Variants in RIMS1 observed in about 807,000 individuals in gnomAD.
The protein encoded by RIMS1 is regulating synaptic membrane exocytosis protein 1.
A neutral mutation model predicts 214.1 loss-of-function variants in RIMS1; 83 were observed. That is an observed-to-expected ratio of 0.39 (90% CI 0.32 to 0.47). The LOEUF is 0.47. Ranked by LOEUF, RIMS1 falls within the 20% of genes least tolerant of loss-of-function variation. The pLI is 0.99. For synonymous variants in RIMS1, 793 were observed against 786.8 expected (o/e 1.01, Z -0.13); for missense variants, 2,050 against 2,161.8 (o/e 0.95, Z 1.03).
chr6:72,307,414 G>A (rs968916622), intron 27 of RIMS1, 44 bp downstream of exon 27: 3 of 1,205,700 alleles, frequency 2.5e-6, no homozygotes, highest in Admixed American at 2.0e-5. Flanking sequence ...TTTTAAAAAT[G>A]TGTAGTGTGT....
intron 28 of RIMS1, chr6:72,317,070 C>A (rs2095844532): frequency 2.4e-6 from 1 of 413,542 alleles, no homozygotes; most frequent in Non-Finnish European, 4.6e-6. Context: ...CAGAGGAGGG[C>A]AGGGGTGGGG....
chr6:71,933,862 A>G (rs1783809084), intron 1 of RIMS1, among the ~76,000 whole-genome samples: 1 of 152,184 alleles, frequency 6.6e-6, no homozygotes, highest in Non-Finnish European at 1.5e-5. Context: ...AATCTTAGGA[A>G]CACCTTAATA....
At chr6:72,197,925 G>A (rs114736166) in intron 6 of RIMS1, among the ~76,000 whole-genome samples, 3,184 of 152,062 alleles carry the variant, frequency 0.021, 110 homozygotes, top group African/African-American at 0.074. Flanking sequence ...TAAGCTTTTG[G>A]AGGTTAAAAA....
intron 1 of RIMS1, among the ~76,000 whole-genome samples, chr6:71,933,431 A>G (rs1009405628): frequency 5.9e-5 from 9 of 152,148 alleles, no homozygotes; most frequent in African/African-American, 1.2e-4. Context: ...GCTCTAATCT[A>G]TATTATTTGT....
At chr6:72,189,180 T>G (rs2049631169) in intron 6 of RIMS1, among the ~76,000 whole-genome samples, 1 of 152,190 alleles carries the variant, frequency 6.6e-6, no homozygotes, top group African/African-American at 2.4e-5. Context: ...GTACCATGTA[T>G]TGGACACTGA....
At chr6:72,084,682 G>A (rs1437840654) in intron 2 of RIMS1, among the ~76,000 whole-genome samples, 2 of 152,178 alleles carry the variant, frequency 1.3e-5, no homozygotes, top group Admixed American at 6.5e-5. Context: ...ATGCTTACTC[G>A]GGAGTGGCCT....
At chr6:72,357,953 T>C (rs1312298633) in intron 29 of RIMS1, among the ~76,000 whole-genome samples, 2 of 152,220 alleles carry the variant, frequency 1.3e-5, no homozygotes, top group African/African-American at 4.8e-5. Context: ...TGAGTGATGC[T>C]CAACGTCTTT....
chr6:72,380,611 A>G (rs893467675), intron 29 of RIMS1, among the ~76,000 whole-genome samples: 17 of 152,210 alleles, frequency 1.1e-4, no homozygotes, highest in Admixed American at 6.5e-4. Context: ...TTTTACTACT[A>G]CTGAGCAAAT....
intron 7 of RIMS1, among the ~76,000 whole-genome samples, chr6:72,235,260 A>G (rs1022670707): frequency 2.6e-5 from 4 of 152,168 alleles, no homozygotes; most frequent in African/African-American, 9.6e-5. Context: ...TATTAACTAT[A>G]GTCATCCTAT....
In RIMS1 at chr6:72,012,717, G is replaced by A. The variant is rs193081618; in HGVS notation, c.245+43654G>A. Among the ~76,000 whole-genome samples, 168 of 152,228 alleles carry A rather than the reference G, an allele frequency of 1.1e-3. 1 individual carries two copies. Among genetic ancestry groups the A allele is most frequent in the African/African-American group, 4.0e-3 (166 of 41,556 alleles). ...AGCAAGGTTATAATAAAGCTGCTTG[G>A]CATTGGTAAAGAATCTAGATTGGAT... On this transcript the variant is annotated intron_variant, in intron 2 of 33. Coordinates refer to ENST00000521978, the MANE Select transcript of RIMS1 (RefSeq NM_014989.7).
intron 5 of RIMS1, among the ~76,000 whole-genome samples, chr6:72,181,612 G>A (rs758282630): frequency 1.1e-4 from 17 of 152,190 alleles, no homozygotes; most frequent in South Asian, 4.1e-4. Context: ...AGATTGATAG[G>A]GACAAATAAC....
chr6:72,132,691 G>A (rs931641139), intron 4 of RIMS1, among the ~76,000 whole-genome samples: 4 of 151,750 alleles, frequency 2.6e-5, no homozygotes, highest in African/African-American at 9.7e-5. Context: ...TTAAACTCTA[G>A]GCCAGTGCAG....
At position 72,339,212 on chromosome 6, in the gene RIMS1, A is replaced by G. The variant is rs1296167925; in HGVS notation, c.4366+5377A>G. Among the ~76,000 whole-genome samples the G allele has an allele frequency of 2.0e-5, 3 of 151,926 alleles. No homozygotes were observed. The East Asian group carries it at 5.8e-4, about 30-fold the overall frequency. On this transcript the variant is annotated intron_variant, in intron 29 of 33. Coordinates refer to ENST00000521978, the MANE Select transcript of RIMS1 (RefSeq NM_014989.7). ...AGCATAAAAACACAAATAAATCAGG[A>G]TAAGTACACAAGGAAGGACTTTGCA...
intron 3 of RIMS1, among the ~76,000 whole-genome samples, chr6:72,098,869 A>G (rs529514238): frequency 6.6e-6 from 1 of 152,330 alleles, no homozygotes; most frequent in Non-Finnish European, 1.5e-5. Context: ...GCCACCTTAT[A>G]GGCTTTCTAA....
rs192794098 is a variant in RIMS1 at position 72,327,484 on chromosome 6, A to T, written c.4131-6116A>T. ...CGAATAATTTTGATATGAATAGTTC[A>T]TATATGTTTGTGTGGATATATATTT... On this transcript the variant is annotated intron_variant, in intron 28 of 33. Coordinates refer to ENST00000521978, the MANE Select transcript of RIMS1 (RefSeq NM_014989.7). 3.8e-4 allele frequency among the ~76,000 whole-genome samples: 58 copies of T among 151,838 alleles called. 1 individual carries two copies. Among genetic ancestry groups the T allele is most frequent in the African/African-American group, 1.3e-3 (56 of 41,488 alleles).
intron 2 of RIMS1, among the ~76,000 whole-genome samples, chr6:72,021,625 A>G (rs1814714699): frequency 6.6e-6 from 1 of 152,196 alleles, no homozygotes; most frequent in African/African-American, 2.4e-5. Context: ...TGGAGTAGTA[A>G]TAACAACAGA....
At chr6:72,353,867 C>CAG (rs1431511100) in intron 29 of RIMS1, among the ~76,000 whole-genome samples, 8 of 152,182 alleles carry the variant, frequency 5.3e-5, no homozygotes, top group Middle Eastern at 6.8e-3. Context: ...TTCCTGTATA[C>CAG]AGTAAGGAAA....
At chr6:72,278,419 A>G (rs757847434) in intron 23 of RIMS1, among the ~76,000 whole-genome samples, 2 of 152,078 alleles carry the variant, frequency 1.3e-5, no homozygotes, top group South Asian at 4.1e-4. Context: ...CTACTTGTCT[A>G]TAAGAATCCT....
chr6:72,228,236 A>G (rs934162733), intron 6 of RIMS1, among the ~76,000 whole-genome samples: 1 of 151,930 alleles, frequency 6.6e-6, no homozygotes, highest in Non-Finnish European at 1.5e-5. Flanking sequence ...ACACAATTCT[A>G]TACAGTAAAT....
Sources: gnomAD v4.1 joint callset for allele counts (sites outside exome capture counted in the v4.1 genomes callset) on GRCh38, gnomAD v4.1.1 for gene constraint, MANE v1.5 for transcripts, NCBI Gene and HGNC (gene_info 2026-07-23, HGNC 2026-07-21) for gene names.